PYGO1: variants seen among roughly 807,000 people sequenced by gnomAD.
PYGO1 encodes pygopus family PHD finger 1, also known as pygopus homolog 1.
A neutral mutation model predicts 29.5 loss-of-function variants in PYGO1; 6 were observed. The observed-to-expected ratio is 0.20, with a 90% confidence interval of 0.11 to 0.40. The LOEUF (loss-of-function observed/expected upper bound fraction) is 0.40. PYGO1 is among the 10% of genes least tolerant of loss of function. PYGO1 has a pLI of 1.00. For synonymous variants in PYGO1, 186 were observed against 180.5 expected (o/e 1.03, Z -0.24); for missense variants, 515 against 514.9 (o/e 1.00, Z 0.00).
At chr15:55,550,440 T>C (rs930955094) in intron 1 of PYGO1, among the ~76,000 whole-genome samples, 1 of 152,108 alleles carries the variant, frequency 6.6e-6, no homozygotes, top group African/African-American at 2.4e-5. Context: ...CAACAGGCCT[T>C]CTCTCTGGCA....
At chr15:55,583,673 C>T (rs1197650720) in intron 1 of PYGO1, among the ~76,000 whole-genome samples, 1 of 152,042 alleles carries the variant, frequency 6.6e-6, no homozygotes, top group South Asian at 2.1e-4. Context: ...CACACCACCA[C>T]TAATTTTTAA....
chr15:55,569,752 G>C (rs2058972867), intron 1 of PYGO1, among the ~76,000 whole-genome samples: 1 of 152,196 alleles, frequency 6.6e-6, no homozygotes, highest in African/African-American at 2.4e-5. Context: ...GTGCAGATGA[G>C]AAGAATGTAT....
intron 1 of PYGO1, among the ~76,000 whole-genome samples, chr15:55,561,028 A>G (rs1407145248): frequency 6.6e-6 from 1 of 152,144 alleles, no homozygotes; most frequent in African/African-American, 2.4e-5. Flanking sequence ...CAAATAGCCA[A>G]GACAATCCCA....
Position 55,556,165 on chromosome 15 carries a change from A to G in PYGO1, c.50-7170T>C, listed in dbSNP as rs566925062. Among the ~76,000 whole-genome samples the G allele has an allele frequency of 8.9e-4, 136 of 152,330 alleles. 1 individual carries two copies. The South Asian group carries it at 0.028, about 31-fold the overall frequency. On this transcript the variant is annotated intron_variant, in intron 1 of 2. Coordinates refer to ENST00000563719, the MANE Select transcript of PYGO1 (RefSeq NM_001367806.1). ...TCTGGGTCAAGAGGACCTGATAGAT[A>G]TATACAGAATTTTCCACCCAAAAAC...
At chr15:55,565,752 AT>A (rs1240179455) in intron 1 of PYGO1, among the ~76,000 whole-genome samples, 3 of 151,822 alleles carry the variant, frequency 2.0e-5, no homozygotes, top group Admixed American at 2.0e-4. Context: ...AAAGAAACAT[AT>A]TTATTTCCTT....
rs1274554134 is a variant in PYGO1, at chr15:55,545,331, A to G, written c.*692T>C. ...ACAACTGGGAACGTACGTTATACCAACTTTACTAATTGCAGTCAATTTTCA... is the reference window on the plus strand; with the variant it reads ...ACAACTGGGAACGTACGTTATACCAGCTTTACTAATTGCAGTCAATTTTCA... On this transcript the variant is annotated 3_prime_UTR_variant, in exon 3 of 3. Transcript: ENST00000563719. The G allele has an allele frequency of 6.6e-6, 1 of 152,244 alleles. No individual in the cohort carries two copies. Among genetic ancestry groups the G allele is most frequent in the African/African-American group, 2.4e-5 (1 of 41,466 alleles). The allele number at this position is 152,244 out of a possible 1,614,324, so 9.4% of individuals were successfully genotyped here. A position where few individuals can be genotyped will look rare whatever the true frequency, so the allele number is the denominator to read the frequency against.
At chr15:55,563,561 A>T (rs2058942576) in intron 1 of PYGO1, among the ~76,000 whole-genome samples, 1 of 152,092 alleles carries the variant, frequency 6.6e-6, no homozygotes, top group Admixed American at 6.6e-5. Context: ...CACATGGGTC[A>T]GGCTGGTCTC....
chr15:55,546,899 T>C lies in PYGO1; in HGVS notation c.384A>G (p.Pro128=), dbSNP rs772816744. 6.2e-6 allele frequency: 10 copies of C among 1,614,020 alleles called. No individual in the cohort carries two copies. The East Asian group carries it at 2.2e-4, about 36-fold the overall frequency. The change falls in exon 3 of 3, where the codon CCA becomes CCG. Residue 128 remains proline (P), a synonymous_variant. Coordinates refer to ENST00000563719, the MANE Select transcript of PYGO1 (RefSeq NM_001367806.1). ...CCAGAGGATTCTGAGGAAATGGGTG[T>C]GGCTGGTTCCTGAGTGAGTAAGGAC... is the stretch of plus-strand genomic sequence containing the variant. The part of the protein sequence containing the change: ...YCGPYSLRNQ[P]HPFPQNPLGM...
intron 1 of PYGO1, among the ~76,000 whole-genome samples, chr15:55,550,202 T>C (rs1392387702): frequency 6.6e-6 from 1 of 152,212 alleles, no homozygotes; most frequent in Non-Finnish European, 1.5e-5. Flanking sequence ...TCCTGTTTTT[T>C]CCTTGCAAAG....
chr15:55,566,476 CACT>C (rs1022879437), intron 1 of PYGO1, among the ~76,000 whole-genome samples: 1 of 151,718 alleles, frequency 6.6e-6, no homozygotes, highest in South Asian at 2.1e-4. Context: ...TCCAATCCAC[CACT>C]GATGGGCACC....
rs146232720 is a variant in PYGO1, at chr15:55,546,879, G to A, written c.404C>T (p.Pro135Leu). The change falls in exon 3 of 3, where the codon CCT (proline) becomes CTT (leucine). Residue 135 changes from proline to leucine, a missense_variant. By Grantham distance (98) the Pro-to-Leu change is moderately conservative. Coordinates refer to ENST00000563719, the MANE Select transcript of PYGO1 (RefSeq NM_001367806.1). ...AGGTCGATTAAAACCCATGCCCAGA[G>A]GATTCTGAGGAAATGGGTGTGGCTG... is the stretch of plus-strand genomic sequence containing the variant. ...RNQPHPFPQN[P>L]LGMGFNRPHA... is the part of the protein sequence containing the mutation. The A allele has an allele frequency of 5.6e-6, 9 of 1,614,106 alleles. No homozygotes were observed. The highest frequency in any genetic ancestry group is 7.6e-6 in the Non-Finnish European group (9 of 1,180,022).
At chr15:55,571,071 G>A (rs1423110950) in intron 1 of PYGO1, among the ~76,000 whole-genome samples, 1 of 141,920 alleles carries the variant, frequency 7.0e-6, no homozygotes, top group Non-Finnish European at 1.5e-5. Flanking sequence ...TAGCTTTTAT[G>A]AATTTGACTA....
At chr15:55,571,668 C>G (rs1262814108) in intron 1 of PYGO1, among the ~76,000 whole-genome samples, 1 of 152,176 alleles carries the variant, frequency 6.6e-6, no homozygotes, top group Admixed American at 6.5e-5. Flanking sequence ...CCTCTCCAGC[C>G]ACATGGAACT....
chr15:55,556,284 C>T (rs1356557096), intron 1 of PYGO1, among the ~76,000 whole-genome samples: 1 of 152,098 alleles, frequency 6.6e-6, no homozygotes, highest in Non-Finnish European at 1.5e-5. Context: ...TGCAAAAGAA[C>T]AGAAATCATA....
intron 1 of PYGO1, among the ~76,000 whole-genome samples, chr15:55,568,759 G>A (rs548723784): frequency 8.1e-4 from 123 of 152,166 alleles, no homozygotes; most frequent in African/African-American, 2.6e-3. Context: ...TTGGAAGTAT[G>A]TTCGTTCGAT....
In PYGO1 at chr15:55,580,920, A is replaced by C. The variant is rs186817544; in HGVS notation, c.49+6915T>G. ...GAAAAGCAAACCAGGAAGACTAATG[A>C]CTTGAAGTTACTGAAACCTCTTCAT... On this transcript the variant is annotated intron_variant, in intron 1 of 2. Coordinates refer to ENST00000563719, the MANE Select transcript of PYGO1 (RefSeq NM_001367806.1). 1.1e-4 allele frequency among the ~76,000 whole-genome samples: 16 copies of C among 152,346 alleles called. No homozygotes were observed. The East Asian group carries it at 2.5e-3, about 24-fold the overall frequency.
chr15:55,587,723 G>A (rs1428121821), intron 1 of PYGO1, 112 bp downstream of exon 1: 8 of 1,214,322 alleles, frequency 6.6e-6, no homozygotes, highest in South Asian at 3.6e-5. Context: ...CGGGACGCGG[G>A]CTGCGCGGAC....
chr15:55,571,503 G>A (rs1242536622), intron 1 of PYGO1, among the ~76,000 whole-genome samples: 3 of 152,124 alleles, frequency 2.0e-5, no homozygotes, highest in African/African-American at 7.2e-5. Flanking sequence ...CATGGGGGCA[G>A]GTCTTTCCTA....
intron 1 of PYGO1, among the ~76,000 whole-genome samples, chr15:55,562,824 A>C (rs577349837): frequency 1.4e-4 from 21 of 152,306 alleles, no homozygotes; most frequent in Admixed American, 2.6e-4. Context: ...GAATGAGAAC[A>C]AGTCCTTGGC....
Sources: gnomAD v4.1 joint callset for allele counts (sites outside exome capture counted in the v4.1 genomes callset) on GRCh38, gnomAD v4.1.1 for gene constraint, MANE v1.5 for transcripts, NCBI Gene and HGNC (gene_info 2026-07-23, HGNC 2026-07-21) for gene names.